The following ZNF682 variants were observed in gnomAD, a reference collection of about 807,000 sequenced individuals.
The protein encoded by ZNF682 is zinc finger protein 682.
In ZNF682, 29 loss-of-function variants were observed where a neutral mutation model predicts 36.5. The observed-to-expected ratio is 0.80, with a 90% confidence interval of 0.59 to 1.08. The LOEUF (loss-of-function observed/expected upper bound fraction) is 1.08. Ranked by LOEUF, ZNF682 falls within the 50% of genes least tolerant of loss-of-function variation. The pLI is 0.00. For synonymous variants in ZNF682, 180 were observed against 197.0 expected, an observed-to-expected ratio of 0.91 and a Z score of 0.72; for missense variants, 561 against 579.7, an observed-to-expected ratio of 0.97 and a Z score of 0.33.
intron 3 of ZNF682, among the ~76,000 whole-genome samples, chr19:20,014,021 A>C (rs2088312942): frequency 6.6e-6 from 1 of 152,260 alleles, no homozygotes; most frequent in African/African-American, 2.4e-5. Context: ...CAAGGATTTG[A>C]AGAATTAATA....
intron 3 of ZNF682, among the ~76,000 whole-genome samples, chr19:20,021,497 C>CA (rs1463829880): frequency 1.3e-5 from 2 of 151,328 alleles, no homozygotes; most frequent in Non-Finnish European, 3.0e-5. Context: ...AGAAAGAAAA[C>CA]AAAAAACAAC....
chr19:20,003,178 A>G (rs1436003913), downstream of ZNF682, among the ~76,000 whole-genome samples: 4 of 126,910 alleles, frequency 3.2e-5, no homozygotes, highest in Non-Finnish European at 5.0e-5. Flanking sequence ...GCGACAGAGC[A>G]AGACTCCGTC....
In ZNF682 at chr19:20,007,034, T is replaced by C. The variant is rs758316394; in HGVS notation, c.468A>G (p.Lys156=). 1.9e-6 allele frequency: 3 copies of C among 1,613,580 alleles called. No homozygotes were observed. The Admixed American group carries it at 5.0e-5, about 27-fold the overall frequency. The change falls in exon 4 of 4, where the codon AAA becomes AAG. Residue 156 remains lysine (K), a synonymous_variant. Coordinates refer to ENST00000397165, the MANE Select transcript of ZNF682 (RefSeq NM_033196.3). ...TGTTTTCTCTATTTAGATTTGATGA[T>C]TTACTAAAGACTTTCACACATTTAT... ...PYNKCVKVFS[K]SSNLNRENIR...
chr19:20,022,504 C>T (rs1019831485), intron 3 of ZNF682, among the ~76,000 whole-genome samples: 1 of 151,830 alleles, frequency 6.6e-6, no homozygotes, highest in Non-Finnish European at 1.5e-5. Context: ...CCCATCTCTA[C>T]TAAAAATACA....
At chr19:20,014,436 T>C (rs1241354380) in intron 3 of ZNF682, among the ~76,000 whole-genome samples, 1 of 152,058 alleles carries the variant, frequency 6.6e-6, no homozygotes, top group Non-Finnish European at 1.5e-5. Context: ...AAAAATACAA[T>C]TTATAATATA....
chr19:20,024,475 G>C (rs1416450457), intron 1 of ZNF682, 99 bp from the exon 2 acceptor site: 4 of 1,335,690 alleles, frequency 3.0e-6, no homozygotes, highest in Non-Finnish European at 4.1e-6. Context: ...AGAGTTACTG[G>C]AATTATTCAA....
intron 3 of ZNF682, among the ~76,000 whole-genome samples, chr19:20,009,828 C>G (rs143828485): frequency 0.013 from 1,967 of 152,140 alleles, 19 homozygotes; most frequent in South Asian, 0.032. Context: ...CAAGACCACC[C>G]TGGGCATCAT....
At chr19:20,020,362 T>A (rs1448942696) in intron 3 of ZNF682, among the ~76,000 whole-genome samples, 1 of 152,072 alleles carries the variant, frequency 6.6e-6, no homozygotes, top group Non-Finnish European at 1.5e-5. Context: ...CTGGGCGTGG[T>A]GACAGGCACC....
At chr19:20,025,349 T>A (rs1006792792) in intron 1 of ZNF682, among the ~76,000 whole-genome samples, 9 of 152,130 alleles carry the variant, frequency 5.9e-5, no homozygotes, top group South Asian at 2.1e-4. Context: ...TTAAAAAAAA[T>A]CTGTCACAGA....
chr19:20,026,840 G>A (rs2088436226), intron 1 of ZNF682, among the ~76,000 whole-genome samples: 1 of 152,102 alleles, frequency 6.6e-6, no homozygotes. Flanking sequence ...AAGAAGCCTG[G>A]ATACAAAGAA....
intron 1 of ZNF682, 43 bp downstream of exon 1, chr19:20,039,300 C>A (rs1464794999): frequency 6.2e-7 from 1 of 1,609,456 alleles, no homozygotes; most frequent in Non-Finnish European, 8.5e-7. Flanking sequence ...CGGTTTCAAC[C>A]AGCCCTGCCC....
In ZNF682 at chr19:20,024,306, T is replaced by C. The variant is rs764710407; in HGVS notation, c.74A>G (p.Gln25Arg). The part of the protein sequence containing the change: ...LEEWEFLNPA[Q>R]QSLYRKVMLE... ...CATCACTTTCCTATACAAACTCTGC[T>C]GAGCAGGGTTCAGAAACTCCCACTC... The change falls in exon 2 of 4, where the codon CAG becomes CGG. Residue 25 changes from glutamine (Q) to arginine (R), a missense_variant. Coordinates refer to ENST00000397165, the MANE Select transcript of ZNF682 (RefSeq NM_033196.3). 1 of 1,614,144 alleles carries C rather than the reference T, an allele frequency of 6.2e-7. No individual in the cohort carries two copies. The highest frequency in any genetic ancestry group is 1.1e-5 in the South Asian group (1 of 91,074).
intron 3 of ZNF682, among the ~76,000 whole-genome samples, chr19:20,014,710 G>A (rs1274861426): frequency 1.3e-5 from 2 of 151,668 alleles, no homozygotes; most frequent in African/African-American, 4.9e-5. Context: ...AACCTGGGAG[G>A]CGGAGGTTGA....
At chr19:20,036,072 T>C (rs1209219563) in intron 1 of ZNF682, among the ~76,000 whole-genome samples, 1 of 152,152 alleles carries the variant, frequency 6.6e-6, no homozygotes, top group Non-Finnish European at 1.5e-5. Flanking sequence ...ATGCAGTTTG[T>C]CTACACAAGA....
rs757006406 is a variant in ZNF682 at position 20,007,159 on chromosome 19, T to A, written c.343A>T (p.Lys115Ter). Residue 115 changes from lysine (K) to a stop codon, truncating the protein, a stop_gained, in exon 4 of 4, where the codon AAG (lysine) becomes TAG (stop). Coordinates refer to ENST00000397165, the MANE Select transcript of ZNF682 (RefSeq NM_033196.3). LOFTEE classifies it low-confidence loss of function (END_TRUNC). ...SCGLEDLHLR[K>*]DGENVGECKD... is the part of the protein sequence containing the mutation. The stretch of plus-strand genomic sequence containing the variant: ...CACTCACCCACATTTTCCCCATCCT[T>A]CCTTAAGTGTAAATCCTCAAGTCCA... The A allele has an allele frequency of 6.2e-7, 1 of 1,613,586 alleles. No individual in the cohort carries two copies. The highest frequency in any genetic ancestry group is 1.3e-5 in the African/African-American group (1 of 74,924).
chr19:20,027,080 A>G (rs1430261544), intron 1 of ZNF682, among the ~76,000 whole-genome samples: 1 of 152,216 alleles, frequency 6.6e-6, no homozygotes, highest in Non-Finnish European at 1.5e-5. Context: ...TTCACCTGAG[A>G]ACCAGCCATT....
chr19:20,006,677 A>C lies in ZNF682; in HGVS notation c.825T>G (p.His275Gln). Reference sequence around the variant, plus strand: ...GTTTTTCTCCTGTATGAATTTTCTTATGTCTAACAAAGGGTGAACACCAGT... The same window carrying C: ...GTTTTTCTCCTGTATGAATTTTCTTCTGTCTAACAAAGGGTGAACACCAGT... ...AFHWCSPFVR[H>Q]KKIHTGEKPY... is the part of the protein sequence containing the mutation. Residue 275 changes from histidine (H) to glutamine (Q), a missense_variant, in exon 4 of 4, where the codon CAT (histidine) becomes CAG (glutamine). Physicochemically the swap from His to Gln is conservative, Grantham distance 24 (BLOSUM62 0). Coordinates refer to ENST00000397165, the MANE Select transcript of ZNF682 (RefSeq NM_033196.3). The C allele has an allele frequency of 6.2e-7, 1 of 1,613,742 alleles. No homozygotes were observed. The highest frequency in any genetic ancestry group is 2.2e-5 in the East Asian group (1 of 44,796).
intron 3 of ZNF682, among the ~76,000 whole-genome samples, chr19:20,019,168 C>T (rs4384704): frequency 0.077 from 11,756 of 151,982 alleles, 675 homozygotes; most frequent in East Asian, 0.2. Flanking sequence ...AACTTTTAGA[C>T]CAACACAAAG....
intron 1 of ZNF682, chr19:20,033,518 A>G (rs1209258693): frequency 6.6e-6 from 1 of 152,294 alleles, no homozygotes; most frequent in Non-Finnish European, 1.5e-5. Flanking sequence ...TTTTCACAAT[A>G]ATGGAAATGA....
Sources: gnomAD v4.1 joint callset for allele counts (sites outside exome capture counted in the v4.1 genomes callset) on GRCh38, gnomAD v4.1.1 for gene constraint, MANE v1.5 for transcripts, NCBI Gene and HGNC (gene_info 2026-07-23, HGNC 2026-07-21) for gene names.